Variants in DCLK1 observed in about 807,000 individuals in gnomAD.
DCLK1 encodes doublecortin like kinase 1.
A neutral mutation model predicts 86.2 loss-of-function variants in DCLK1; 16 were observed. The ratio of observed to expected loss-of-function variants is 0.19; its 90% CI spans 0.13 to 0.28. DCLK1 has a LOEUF of 0.28. DCLK1 is among the 10% of genes least tolerant of loss of function. DCLK1 has a pLI of 1.00. For synonymous variants in DCLK1, 369 were observed against 370.5 expected, an observed-to-expected ratio of 1.00 and a Z score of 0.05; for missense variants, 590 against 940.2, an observed-to-expected ratio of 0.63 and a Z score of 4.87.
intron 4 of DCLK1, among the ~76,000 whole-genome samples, chr13:35,876,957 G>T (rs1872626438): frequency 6.6e-6 from 1 of 152,142 alleles, no homozygotes; most frequent in South Asian, 2.1e-4. Context: ...TGCTCCTAAA[G>T]ATTGCAGCCT....
At chr13:35,945,816 G>A (rs187705967) in intron 4 of DCLK1, among the ~76,000 whole-genome samples, 15 of 152,282 alleles carry the variant, frequency 9.9e-5, no homozygotes, top group South Asian at 8.3e-4. Context: ...CAAAGGGCAC[G>A]TAGGTCAGAA....
intron 4 of DCLK1, among the ~76,000 whole-genome samples, chr13:35,879,064 G>A (rs1318394998): frequency 1.3e-5 from 2 of 152,112 alleles, no homozygotes; most frequent in Admixed American, 1.3e-4. Flanking sequence ...GGGATTATAG[G>A]CATGGCCACC....
chr13:35,874,047 T>A (rs1352122407), intron 4 of DCLK1, among the ~76,000 whole-genome samples: 2 of 152,230 alleles, frequency 1.3e-5, no homozygotes, highest in Non-Finnish European at 2.9e-5. Context: ...TATAGTAGTT[T>A]TAAATTAAAC....
chr13:35,850,173 C>CT, intron 6 of DCLK1: 1 of 984,816 alleles, frequency 1.0e-6, no homozygotes, highest in Middle Eastern at 5.2e-4. Context: ...TTTCTACTGT[C>CT]TAGGGAGAAA....
chr13:36,023,125 A>G (rs192827564), intron 3 of DCLK1, among the ~76,000 whole-genome samples: 46 of 152,354 alleles, frequency 3.0e-4, no homozygotes, highest in Middle Eastern at 6.8e-3. Flanking sequence ...CCAGAGAAAC[A>G]GAATCAATAG....
At chr13:35,958,414 CCACCACCATCATCACTATAACAA>C in intron 3 of DCLK1, among the ~76,000 whole-genome samples, 1 of 151,646 alleles carries the variant, frequency 6.6e-6, no homozygotes. Context: ...ATAACCATCA[CCACCACCATCATCACTATAACAA>C]CACCATCACC....
At chr13:36,011,927 T>C (rs1406654204) in intron 3 of DCLK1, among the ~76,000 whole-genome samples, 1 of 150,586 alleles carries the variant, frequency 6.6e-6, no homozygotes, top group Non-Finnish European at 1.5e-5. Flanking sequence ...TGGGTGCATA[T>C]ATATTTAGGA....
intron 8 of DCLK1, among the ~76,000 whole-genome samples, chr13:35,833,829 T>A (rs1224876112): frequency 6.6e-6 from 1 of 152,220 alleles, no homozygotes; most frequent in African/African-American, 2.4e-5. Context: ...AGAGGGCACA[T>A]GCCATATGTC....
At chr13:35,935,110 T>C (rs1876683364) in intron 4 of DCLK1, among the ~76,000 whole-genome samples, 1 of 152,152 alleles carries the variant, frequency 6.6e-6, no homozygotes, top group Non-Finnish European at 1.5e-5. Flanking sequence ...GCATTCCACA[T>C]GAATGAGGCA....
At chr13:35,798,686 C>T (rs2086859876) in intron 15 of DCLK1, among the ~76,000 whole-genome samples, 1 of 152,104 alleles carries the variant, frequency 6.6e-6, no homozygotes, top group Non-Finnish European at 1.5e-5. Flanking sequence ...GATAAAATGC[C>T]CATATGGAAA....
In DCLK1 at chr13:35,972,705, T is replaced by A. The variant is rs747196365; in HGVS notation, c.724-25248A>T. On this transcript the variant is annotated intron_variant, in intron 3 of 16. Coordinates refer to ENST00000360631, the MANE Select transcript of DCLK1 (RefSeq NM_001330071.2). Reference sequence around the variant, plus strand: ...TGATGAATACTGCAGTGAGGTGGACTCAAAAGATGGCTAGAGTGGAAAAAC... The same window carrying A: ...TGATGAATACTGCAGTGAGGTGGACACAAAAGATGGCTAGAGTGGAAAAAC... Among the ~76,000 whole-genome samples the A allele has an allele frequency of 5.3e-5, 8 of 152,158 alleles. No homozygotes were observed. The South Asian group carries it at 1.7e-3, about 32-fold the overall frequency.
chr13:35,813,338 T>C (rs1023687459), intron 11 of DCLK1, among the ~76,000 whole-genome samples: 19 of 152,326 alleles, frequency 1.2e-4, no homozygotes, highest in Non-Finnish European at 1.9e-4. Context: ...ACCACCTAAC[T>C]GTACTCAAAA....
intron 11 of DCLK1, among the ~76,000 whole-genome samples, chr13:35,814,709 T>G (rs1270494442): frequency 6.6e-6 from 1 of 152,254 alleles, no homozygotes; most frequent in Non-Finnish European, 1.5e-5. Context: ...CCCCCACATT[T>G]TAAACACTGA....
intron 4 of DCLK1, among the ~76,000 whole-genome samples, chr13:35,941,217 G>A (rs1281874426): frequency 1.3e-5 from 2 of 152,104 alleles, no homozygotes; most frequent in Admixed American, 1.3e-4. Flanking sequence ...AATGGCAGAA[G>A]CCGTGATTAC....
At chr13:35,794,117 C>T (rs1393829524) in intron 15 of DCLK1, among the ~76,000 whole-genome samples, 1 of 152,218 alleles carries the variant, frequency 6.6e-6, no homozygotes, top group Non-Finnish European at 1.5e-5. Flanking sequence ...CTGGAGCCAT[C>T]TATGACTGAG....
intron 6 of DCLK1, chr13:35,849,464 G>C: frequency 1.0e-6 from 1 of 985,238 alleles, no homozygotes; most frequent in Non-Finnish European, 1.2e-6. Context: ...TGCTTCACAA[G>C]TCTTAAACTG....
intron 3 of DCLK1, among the ~76,000 whole-genome samples, chr13:35,996,411 T>C (rs1026349036): frequency 6.6e-6 from 1 of 152,248 alleles, no homozygotes; most frequent in African/African-American, 2.4e-5. Flanking sequence ...GGCCCAGGTA[T>C]GTAGTCAAGC....
chr13:36,033,458 G>A (rs1882362925), intron 3 of DCLK1, among the ~76,000 whole-genome samples: 1 of 152,124 alleles, frequency 6.6e-6, no homozygotes, highest in Non-Finnish European at 1.5e-5. Context: ...TTAGGCTTTG[G>A]AATCAAACAG....
chr13:35,879,926 A>T (rs1436015480), intron 4 of DCLK1, among the ~76,000 whole-genome samples: 5 of 152,152 alleles, frequency 3.3e-5, no homozygotes, highest in Admixed American at 6.5e-5. Context: ...GTCCCCACAC[A>T]TTCCCAAATG....
Sources: gnomAD v4.1 joint callset for allele counts (sites outside exome capture counted in the v4.1 genomes callset) on GRCh38, gnomAD v4.1.1 for gene constraint, MANE v1.5 for transcripts, NCBI Gene and HGNC (gene_info 2026-07-23, HGNC 2026-07-21) for gene names.